Variants in PLXNA4 observed in about 807,000 individuals in gnomAD.
The protein encoded by PLXNA4 is plexin-A4.
A neutral mutation model predicts 191.8 loss-of-function variants in PLXNA4; 44 were observed. The observed-to-expected ratio is 0.23, with a 90% CI of 0.18 to 0.29. The LOEUF is 0.29. Among genes scored for constraint, PLXNA4 ranks in the 10% least tolerant of loss-of-function variants. The probability of loss-of-function intolerance (pLI) is 1.00; values close to 1 mark genes in which losing one functional copy is unlikely to be tolerated. For synonymous variants in PLXNA4, 1,082 were observed against 1,009.5 expected (o/e 1.07, Z -1.36); for missense variants, 1,800 against 2,488.8 (o/e 0.72, Z 5.89).
intron 3 of PLXNA4, among the ~76,000 whole-genome samples, chr7:132,443,220 T>C (rs908065256): frequency 2.0e-5 from 3 of 152,168 alleles, no homozygotes; most frequent in African/African-American, 7.2e-5. Context: ...TTTTCCTTCC[T>C]TTTTGTGGCC....
At chr7:132,304,594 T>A (rs947662563) in intron 3 of PLXNA4, among the ~76,000 whole-genome samples, 4 of 152,196 alleles carry the variant, frequency 2.6e-5, no homozygotes, top group African/African-American at 9.7e-5. Context: ...ACAGCTCAGT[T>A]TGGAGCAGCC....
At chr7:132,558,836 G>A (rs1800910181) in intron 1 of PLXNA4, among the ~76,000 whole-genome samples, 1 of 152,348 alleles carries the variant, frequency 6.6e-6, no homozygotes, top group Middle Eastern at 3.4e-3. Flanking sequence ...TCAGTAAGTA[G>A]TCTCTAAAAT....
In PLXNA4 at chr7:132,128,619, CACACACAT is replaced by C. The variant is rs1347899857; in HGVS notation, c.*1852_*1859del. 1 of 152,386 alleles carries C rather than the reference CACACACAT, an allele frequency of 6.6e-6. No individual in the cohort carries two copies. Among genetic ancestry groups the C allele is most frequent in the East Asian group, 1.9e-4 (1 of 5,186 alleles). 9.4% of individuals were successfully genotyped at this position (152,386 alleles called of 1,614,324 possible). A position where few individuals can be genotyped will look rare whatever the true frequency, so the allele number is the denominator to read the frequency against. ...CGCCTACACCTGGGGCAGACACACACACACACATACATGTGCTCACACACATGTGCACA... is the reference window on the plus strand; with the variant it reads ...CGCCTACACCTGGGGCAGACACACACACATGTGCTCACACACATGTGCACA... On this transcript the variant is annotated 3_prime_UTR_variant, in exon 32 of 32. Coordinates refer to ENST00000321063, the MANE Select transcript of PLXNA4 (RefSeq NM_020911.2).
At chr7:132,311,966 G>A (rs1391699685) in intron 3 of PLXNA4, among the ~76,000 whole-genome samples, 1 of 152,094 alleles carries the variant, frequency 6.6e-6, no homozygotes, top group African/African-American at 2.4e-5. Flanking sequence ...GGGGCCAGGA[G>A]AGAGCTTGGC....
chr7:132,633,281 CA>C (rs1447387146), intron 2 of PLXNA4, among the ~76,000 whole-genome samples: 4,241 of 133,290 alleles, frequency 0.032, 370 homozygotes, highest in East Asian at 0.22. Context: ...TTGAGGTTCT[CA>C]TTTTTTTTTT....
chr7:132,269,488 T>C (rs1241334684), intron 4 of PLXNA4, among the ~76,000 whole-genome samples: 1 of 151,320 alleles, frequency 6.6e-6, no homozygotes, highest in East Asian at 2.0e-4. Flanking sequence ...TAGAGTGGCA[T>C]GGGACACCAC....
At chr7:132,349,557 AC>A (rs1327157218) in intron 3 of PLXNA4, among the ~76,000 whole-genome samples, 1 of 152,218 alleles carries the variant, frequency 6.6e-6, no homozygotes, top group African/African-American at 2.4e-5. Flanking sequence ...GCCCTCAGGG[AC>A]AGGAAACTTG....
intron 3 of PLXNA4, among the ~76,000 whole-genome samples, chr7:132,441,679 T>A (rs1563100670): frequency 1.3e-5 from 2 of 152,214 alleles, no homozygotes; most frequent in African/African-American, 4.8e-5. Context: ...TTTTTACATT[T>A]CACATTATAT....
chr7:132,305,981 C>A (rs992545744), intron 3 of PLXNA4, among the ~76,000 whole-genome samples: 13 of 152,236 alleles, frequency 8.5e-5, no homozygotes, highest in African/African-American at 3.1e-4. Flanking sequence ...AGAGCTGGAA[C>A]TGTAGATGGA....
At chr7:132,187,412 T>C in intron 15 of PLXNA4, 59 bp downstream of exon 15, 2 of 1,561,754 alleles carry the variant, frequency 1.3e-6, no homozygotes, top group Admixed American at 3.7e-5. Context: ...TACCCTGAAG[T>C]CATTTACCTG....
chr7:132,603,003 C>T (rs1802850215), intron 2 of PLXNA4, among the ~76,000 whole-genome samples: 1 of 152,178 alleles, frequency 6.6e-6, no homozygotes, highest in Admixed American at 6.5e-5. Flanking sequence ...CAACCACTTA[C>T]AACCCATCAA....
In PLXNA4 at chr7:132,487,733, G is replaced by A. The variant is rs149492971; in HGVS notation, c.1371+1559C>T. Reference sequence around the variant, plus strand: ...GGCCAAGTGCATGAGAGGAAGACCCGGGAAGGCAGCAAAAATCAGACACAG... The same window carrying A: ...GGCCAAGTGCATGAGAGGAAGACCCAGGAAGGCAGCAAAAATCAGACACAG... On this transcript the variant is annotated intron_variant, in intron 3 of 31. Transcript: ENST00000321063. Among the ~76,000 whole-genome samples the A allele has an allele frequency of 8.6e-3, 1,312 of 152,226 alleles. 34 individuals carry two copies. The highest frequency in any genetic ancestry group is 8.0e-3 in the African/African-American group (333 of 41,548).
At chr7:132,466,175 C>A (rs1159535549) in intron 3 of PLXNA4, among the ~76,000 whole-genome samples, 1 of 152,100 alleles carries the variant, frequency 6.6e-6, no homozygotes, top group Non-Finnish European at 1.5e-5. Context: ...CAAGAAGGAT[C>A]CAAGAGAGAG....
At chr7:132,313,534 G>A (rs952511122) in intron 3 of PLXNA4, among the ~76,000 whole-genome samples, 10 of 152,150 alleles carry the variant, frequency 6.6e-5, no homozygotes, top group African/African-American at 2.2e-4. Flanking sequence ...GTCACACCTG[G>A]GTGGCCAAGG....
chr7:132,563,123 T>C lies in PLXNA4; in HGVS notation c.-87+13299A>G, dbSNP rs1270633863. Among the ~76,000 whole-genome samples, 125 of 40,556 alleles carry C rather than the reference T, an allele frequency of 3.1e-3. 1 individual carries two copies. Among genetic ancestry groups the C allele is most frequent in the Middle Eastern group, 0.038 (1 of 26 alleles). The allele number at this position is 40,556 out of a possible 152,430, so 26.6% of individuals were successfully genotyped here. On this transcript the variant is annotated intron_variant, in intron 1 of 31. Transcript: ENST00000321063. ...TCCTCCTCCTCTCCCTCCTCCTCCTTCTCCTCCTCCTCCTTCTCCTCTTCC... is the reference window on the plus strand; with the variant it reads ...TCCTCCTCCTCTCCCTCCTCCTCCTCCTCCTCCTCCTCCTTCTCCTCTTCC...
intron 4 of PLXNA4, among the ~76,000 whole-genome samples, chr7:132,264,760 C>T (rs2116278438): frequency 6.6e-6 from 1 of 151,290 alleles, no homozygotes; most frequent in Middle Eastern, 3.4e-3. Context: ...TGCAATGGCG[C>T]CATCTCGGCT....
chr7:132,245,021 C>T (rs1490681697), intron 4 of PLXNA4, among the ~76,000 whole-genome samples: 1 of 152,126 alleles, frequency 6.6e-6, no homozygotes, highest in African/African-American at 2.4e-5. Flanking sequence ...AGCTGCCTCT[C>T]CCATCCCCCA....
chr7:132,448,649 G>A (rs191582485), intron 3 of PLXNA4, among the ~76,000 whole-genome samples: 2 of 152,272 alleles, frequency 1.3e-5, no homozygotes, highest in African/African-American at 4.8e-5. Flanking sequence ...TCCCTCTGCA[G>A]CTATATGTTA....
At chr7:132,536,735 AGCTATG>A (rs1799850680) in intron 1 of PLXNA4, among the ~76,000 whole-genome samples, 1 of 152,232 alleles carries the variant, frequency 6.6e-6, no homozygotes, top group Non-Finnish European at 1.5e-5. Flanking sequence ...CTGGTCCAGC[AGCTATG>A]GCAGTGGCAG....
Sources: allele counts gnomAD v4.1 joint callset (sites outside exome capture counted in the v4.1 genomes callset), GRCh38; gene constraint gnomAD v4.1.1; transcripts MANE v1.5; gene names NCBI Gene and HGNC (gene_info 2026-07-23, HGNC 2026-07-21).